Variants in ACE observed in about 807,000 individuals in gnomAD.
ACE encodes angiotensin I converting enzyme.
A neutral mutation model predicts 162.3 loss-of-function variants in ACE; 122 were observed. The observed-to-expected ratio is 0.75, with a 90% confidence interval of 0.65 to 0.87. ACE has a LOEUF of 0.87. Among genes scored for constraint, ACE ranks in the 40% least tolerant of loss-of-function variants. ACE has a pLI of 0.00. For synonymous variants in ACE, 796 were observed against 720.6 expected (o/e 1.10, Z -1.68); for missense variants, 1,799 against 1,735.1 (o/e 1.04, Z -0.65).
In ACE at chr17:63,497,449, C is replaced by A; in HGVS notation, c.*83C>A. The A allele has an allele frequency of 8.0e-7, 1 of 1,255,022 alleles. No homozygotes were observed. The allele number at this position is 1,255,022 out of a possible 1,614,324, so 77.7% of individuals were successfully genotyped here. The stretch of plus-strand genomic sequence containing the variant: ...ACACTGGTGGGCAGCTGAGGACACA[C>A]CCCACACCCCAGCCCACCCTGCTCC... On this transcript the variant is annotated 3_prime_UTR_variant, in exon 25 of 25. Transcript: ENST00000290866.
chr17:63,496,403 C>T lies in ACE; in HGVS notation c.3390C>T (p.Val1130=), dbSNP rs1173793027. Residue 1130 remains valine, a synonymous_variant, in exon 23 of 25, where the codon GTC becomes GTT. Coordinates refer to ENST00000290866, the MANE Select transcript of ACE (RefSeq NM_000789.4). ...PSSVPYIRYF[V]SFIIQFQFHE... ...CCTCGCTCTGCTCCAGGTACTTTGTCAGCTTCATCATCCAGTTCCAGTTCC... is the reference window on the plus strand; with the variant it reads ...CCTCGCTCTGCTCCAGGTACTTTGTTAGCTTCATCATCCAGTTCCAGTTCC... 1 of 1,614,056 alleles carries T rather than the reference C, an allele frequency of 6.2e-7. No homozygotes were observed. The highest frequency in any genetic ancestry group is 1.3e-5 in the African/African-American group (1 of 74,944).
chr17:63,487,159 G>C (rs2030010467), intron 15 of ACE, 86 bp downstream of exon 15: 1 of 1,195,264 alleles, frequency 8.4e-7, no homozygotes, highest in Non-Finnish European at 1.2e-6. Context: ...CACAGAGTTG[G>C]GTTCCCCTCG....
rs1333063737 is a variant in ACE at position 63,486,541 on chromosome 17, C to A, written c.2059-16C>A. On this transcript the variant is annotated splice_polypyrimidine_tract_variant and intron_variant, in intron 13 of 24. Transcript: ENST00000290866. The stretch of plus-strand genomic sequence containing the variant: ...GAGCTCCTGGGCCCTGTGACACCAT[C>A]CCCCTGTGCCCTCAGCTGCAGAAGA... The A allele has an allele frequency of 6.2e-7, 1 of 1,613,836 alleles. No individual in the cohort carries two copies. The highest frequency in any genetic ancestry group is 1.3e-5 in the African/African-American group (1 of 75,054).
At chr17:63,480,599 C>T in intron 5 of ACE, 71 bp downstream of exon 5, 1 of 1,550,092 alleles carries the variant, frequency 6.5e-7, no homozygotes, top group Non-Finnish European at 8.9e-7. Context: ...TGGGGGATGT[C>T]CAGGGTAAGG....
chr17:63,483,195 C>G (rs766807466), intron 9 of ACE, 22 bp downstream of exon 9: 3 of 1,612,792 alleles, frequency 1.9e-6, no homozygotes, highest in South Asian at 2.2e-5. Flanking sequence ...GATAGAAAAG[C>G]CTTCGCCCCA....
chr17:63,479,240 C>T (rs1264951706), intron 3 of ACE, 140 bp downstream of exon 3: 26 of 743,384 alleles, frequency 3.5e-5, no homozygotes, highest in African/African-American at 2.2e-4. Flanking sequence ...TGGGGCTGGA[C>T]GGTGCAGATA....
chr17:63,493,302 C>A lies in ACE; in HGVS notation c.2913-134C>A, dbSNP rs571554588. 3 of 815,900 alleles carry A rather than the reference C, an allele frequency of 3.7e-6. No individual in the cohort carries two copies. In the South Asian group the frequency reaches 4.9e-5, roughly 13 times the overall value. The allele number at this position is 815,900 out of a possible 1,614,324, so 50.5% of individuals were successfully genotyped here. On this transcript the variant is annotated intron_variant, in intron 19 of 24. Coordinates refer to ENST00000290866, the MANE Select transcript of ACE (RefSeq NM_000789.4). ...TCAGTGGTTGCCCTTCCCCTCCCTC[C>A]CCACAGTGCTGTGTCCCCTGCATGC...
chr17:63,481,346 G>T (rs2049706287), intron 6 of ACE, among the ~76,000 whole-genome samples, 158 bp downstream of exon 6: 1 of 152,130 alleles, frequency 6.6e-6, no homozygotes, highest in Non-Finnish European at 1.5e-5. Context: ...CCTCAGTGAG[G>T]TGCCAGCTCC....
At position 63,491,055 on chromosome 17, in the gene ACE, C is replaced by T. The variant is rs748710280; in HGVS notation, c.2739+4C>T. On this transcript the variant is annotated splice_donor_region_variant and intron_variant, in intron 18 of 24. Transcript: ENST00000290866. This position sits in a 1 kb window ranked among gnomAD's most constrained non-coding sequence, Gnocchi z 4.4. ...CACAGAGGCTATGCTAAAGCAGGTC[C>T]GCACCAGCCCAGGGGCAGGGAGGCC... 4.4e-5 allele frequency: 71 copies of T among 1,613,974 alleles called. No homozygotes were observed. Among genetic ancestry groups the T allele is most frequent in the Non-Finnish European group, 5.5e-5 (65 of 1,180,016 alleles).
At chr17:63,481,477 G>A in intron 6 of ACE, 89 bp from the exon 7 acceptor site, 6 of 1,436,174 alleles carry the variant, frequency 4.2e-6, no homozygotes, top group Non-Finnish European at 5.8e-6. Context: ...TTCATGCACA[G>A]GGAGTTGACC....
Position 63,497,468 on chromosome 17 carries a change from C to T in ACE, c.*102C>T. 1 of 1,045,852 alleles carries T rather than the reference C, an allele frequency of 9.6e-7. No homozygotes were observed. Among genetic ancestry groups the T allele is most frequent in the Non-Finnish European group, 1.4e-6 (1 of 698,976 alleles). 64.8% of individuals were successfully genotyped at this position (1,045,852 alleles called of 1,614,324 possible). On this transcript the variant is annotated 3_prime_UTR_variant, in exon 25 of 25. Transcript: ENST00000290866. ...GACACACCCCACACCCCAGCCCACC[C>T]TGCTCCTCCTGCCCTGTCCCTGTCC...
At position 63,491,186 on chromosome 17, in the gene ACE, G is replaced by A. The variant is rs373532123; in HGVS notation, c.2740-23G>A. The A allele has an allele frequency of 4.0e-5, 65 of 1,613,476 alleles. No homozygotes were observed. Among genetic ancestry groups the A allele is most frequent in the Middle Eastern group, 1.7e-4 (1 of 6,008 alleles). On this transcript the variant is annotated intron_variant, in intron 18 of 24. Coordinates refer to ENST00000290866, the MANE Select transcript of ACE (RefSeq NM_000789.4). This position sits in a 1 kb window ranked among gnomAD's most constrained non-coding sequence, Gnocchi z 4.4. ...GTCTGTCCCCGGAACCCCCAGTTTG[G>A]GCAGAACTCCCTCTGCTTGCAGGGC...
At position 63,477,198 on chromosome 17, in the gene ACE, A is replaced by G; in HGVS notation, c.104A>G (p.Gln35Arg). 6.7e-7 allele frequency: 1 copy of G among 1,483,820 alleles called. No individual in the cohort carries two copies. Among genetic ancestry groups the G allele is most frequent in the East Asian group, 2.9e-5 (1 of 34,182 alleles). 91.9% of individuals were successfully genotyped at this position (1,483,820 alleles called of 1,614,324 possible). A position where few individuals can be genotyped will look rare whatever the true frequency, so the allele number is the denominator to read the frequency against. ...GCCCTGGCGTTGGACCCCGGGCTGC[A>G]GCCCGGCAACTTTTCTGCTGACGAG... ...QPALALDPGLQPGNFSADEAG... is the reference protein window; with the variant it reads ...QPALALDPGLRPGNFSADEAG... Residue 35 changes from glutamine to arginine, a missense_variant, in exon 1 of 25, where the codon CAG (glutamine) becomes CGG (arginine). Gln to Arg is a conservative substitution (Grantham distance 43). Coordinates refer to ENST00000290866, the MANE Select transcript of ACE (RefSeq NM_000789.4).
At position 63,497,050 on chromosome 17, in the gene ACE, C is replaced by T. The variant is rs754331615; in HGVS notation, c.3691+65C>T. Reference sequence around the variant, plus strand: ...CCCCTCCCCAGGCTGGGCAGCCATGCGGCTGACCTCGGAGCCTGGCCCTGC... The same window carrying T: ...CCCCTCCCCAGGCTGGGCAGCCATGTGGCTGACCTCGGAGCCTGGCCCTGC... On this transcript the variant is annotated intron_variant, in intron 24 of 24. Transcript: ENST00000290866. 1.6e-5 allele frequency: 25 copies of T among 1,584,602 alleles called. 1 individual carries two copies. Among genetic ancestry groups the T allele is most frequent in the South Asian group, 5.7e-5 (5 of 88,310 alleles).
At chr17:63,481,967 A>C (rs945921288) in intron 7 of ACE, among the ~76,000 whole-genome samples, 1 of 152,170 alleles carries the variant, frequency 6.6e-6, no homozygotes, top group Non-Finnish European at 1.5e-5. Context: ...TGGAGGAAGA[A>C]GGCCCAAGTG....
intron 12 of ACE, chr17:63,485,016 A>G (rs773575155): frequency 6.2e-7 from 1 of 1,611,520 alleles, no homozygotes; most frequent in Non-Finnish European, 8.5e-7. Context: ...ACCAGCAGCC[A>G]GACAACCACC....
intron 21 of ACE, 73 bp from the exon 22 acceptor site, chr17:63,494,299 C>T (rs2030590487): frequency 2.1e-6 from 3 of 1,460,548 alleles, no homozygotes; most frequent in Non-Finnish European, 2.9e-6. Context: ...GGGACCCTCC[C>T]TCAAGTCAAA....
At chr17:63,485,948 CA>C (rs770299480) in intron 13 of ACE, among the ~76,000 whole-genome samples, 3 of 152,078 alleles carry the variant, frequency 2.0e-5, no homozygotes, top group Non-Finnish European at 4.4e-5. Context: ...TCTATTCAAA[CA>C]AACAAATAAA....
At chr17:63,479,984 C>T in intron 4 of ACE, 72 bp downstream of exon 4, 1 of 1,546,178 alleles carries the variant, frequency 6.5e-7, no homozygotes, top group Non-Finnish European at 8.7e-7. Context: ...GAGTCCCAGC[C>T]CAGAGTCAGG....
Sources: allele counts gnomAD v4.1 joint callset (sites outside exome capture counted in the v4.1 genomes callset), GRCh38; gene constraint gnomAD v4.1.1; non-coding constraint Gnocchi (gnomAD v3.1); transcripts MANE v1.5; gene names NCBI Gene and HGNC (gene_info 2026-07-23, HGNC 2026-07-21).